The following TMEM132D variants were observed in gnomAD, a reference collection of about 807,000 sequenced individuals.
The protein encoded by TMEM132D is mature OL transmembrane protein.
Under a neutral mutation model 62.3 loss-of-function variants are expected in TMEM132D, and 21 were observed. That is an observed-to-expected ratio of 0.34 (90% CI 0.24 to 0.49). The LOEUF is 0.49. Ranked by LOEUF, TMEM132D falls within the 20% of genes least tolerant of loss-of-function variation. The probability of loss-of-function intolerance (pLI) is 0.99; values close to 1 mark genes in which losing one functional copy is unlikely to be tolerated. For synonymous variants in TMEM132D, 621 were observed against 575.6 expected, an observed-to-expected ratio of 1.08 and a Z score of -1.13; for missense variants, 1,346 against 1,402.8, an observed-to-expected ratio of 0.96 and a Z score of 0.65.
chr12:129,133,723 G>C (rs1876448323), intron 5 of TMEM132D, among the ~76,000 whole-genome samples: 1 of 152,224 alleles, frequency 6.6e-6, no homozygotes, highest in African/African-American at 2.4e-5. Context: ...TTTGGTGTGT[G>C]GTGGGCCCCC....
At chr12:129,652,143 A>G (rs539016213) in intron 2 of TMEM132D, among the ~76,000 whole-genome samples, 5 of 152,320 alleles carry the variant, frequency 3.3e-5, no homozygotes, top group Non-Finnish European at 7.4e-5. Flanking sequence ...TCACTTGCAC[A>G]ACACATCTGC....
intron 5 of TMEM132D, among the ~76,000 whole-genome samples, chr12:129,088,148 C>CGGGTGTCCTCCA (rs1874717491): frequency 9.4e-5 from 1 of 10,646 alleles, no homozygotes. Flanking sequence ...GGTGTCCTCC[C>CGGGTGTCCTCCA]TGACCGGGTG....
At chr12:129,209,837 G>C in intron 4 of TMEM132D, 174 bp from the exon 5 acceptor site, 1 of 820,080 alleles carries the variant, frequency 1.2e-6, no homozygotes, top group South Asian at 1.8e-5. Context: ...ATGAGATAAT[G>C]TTCTGTCCTC....
chr12:129,718,981 A>G (rs1248339938), intron 1 of TMEM132D, among the ~76,000 whole-genome samples: 1 of 152,048 alleles, frequency 6.6e-6, no homozygotes, highest in Non-Finnish European at 1.5e-5. Flanking sequence ...TCATGCCTGT[A>G]ATCCCAGCAC....
chr12:129,607,777 G>A (rs747538738), intron 2 of TMEM132D, among the ~76,000 whole-genome samples: 84 of 152,186 alleles, frequency 5.5e-4, no homozygotes, highest in Non-Finnish European at 1.1e-3. Context: ...GTGTTTTGGA[G>A]TACCTGTAGA....
At chr12:129,367,104 G>A (rs541442588) in intron 3 of TMEM132D, among the ~76,000 whole-genome samples, 1 of 152,216 alleles carries the variant, frequency 6.6e-6, no homozygotes. Context: ...CCCATTTGAC[G>A]GATGCGACTA....
At chr12:129,128,968 G>A (rs564130596) in intron 5 of TMEM132D, among the ~76,000 whole-genome samples, 5 of 151,202 alleles carry the variant, frequency 3.3e-5, no homozygotes, top group South Asian at 2.1e-4. Flanking sequence ...TGGCATATAC[G>A]CACCACATTT....
At chr12:129,685,922 GC>G (rs1484758412) in intron 2 of TMEM132D, among the ~76,000 whole-genome samples, 2 of 152,190 alleles carry the variant, frequency 1.3e-5, no homozygotes, top group African/African-American at 4.8e-5. Context: ...CTTACATAGG[GC>G]CTGTAGCTCC....
chr12:129,157,396 T>C (rs1877278914), intron 5 of TMEM132D, among the ~76,000 whole-genome samples: 2 of 152,246 alleles, frequency 1.3e-5, no homozygotes, highest in Non-Finnish European at 2.9e-5. Flanking sequence ...TCATCATACT[T>C]GCAGATTCAC....
At chr12:129,445,731 T>G (rs550486384) in intron 3 of TMEM132D, among the ~76,000 whole-genome samples, 1 of 152,280 alleles carries the variant, frequency 6.6e-6, no homozygotes, top group East Asian at 1.9e-4. Flanking sequence ...TTCACCCAAA[T>G]AAACCACCCA....
intron 1 of TMEM132D, among the ~76,000 whole-genome samples, chr12:129,737,536 T>C (rs1180231984): frequency 1.3e-5 from 2 of 152,016 alleles, no homozygotes; most frequent in East Asian, 1.9e-4. Flanking sequence ...AGGGCATGCA[T>C]CCTCTCATTT....
At chr12:129,081,629 CTT>C in intron 7 of TMEM132D, 128 bp downstream of exon 7, 1 of 1,340,948 alleles carries the variant, frequency 7.5e-7, no homozygotes, top group Non-Finnish European at 1.0e-6. Context: ...TCCACAATTT[CTT>C]TGAATTTACC....
At chr12:129,523,165 G>T (rs1875906551) in intron 3 of TMEM132D, among the ~76,000 whole-genome samples, 1 of 152,148 alleles carries the variant, frequency 6.6e-6, no homozygotes, top group Non-Finnish European at 1.5e-5. Flanking sequence ...GTTCAGACAT[G>T]TACATGAAGA....
intron 3 of TMEM132D, among the ~76,000 whole-genome samples, chr12:129,414,375 A>C (rs1030166834): frequency 6.6e-6 from 1 of 152,206 alleles, no homozygotes; most frequent in Non-Finnish European, 1.5e-5. Flanking sequence ...GTCATTTTTT[A>C]ACTTATTCAG....
chr12:129,121,958 A>G (rs1026358621), intron 5 of TMEM132D, among the ~76,000 whole-genome samples: 1 of 152,112 alleles, frequency 6.6e-6, no homozygotes, highest in Non-Finnish European at 1.5e-5. Flanking sequence ...GGTGGATGAA[A>G]ATGGGCAGGT....
intron 3 of TMEM132D, among the ~76,000 whole-genome samples, chr12:129,442,024 A>T (rs1872951264): frequency 1.3e-5 from 2 of 152,242 alleles, no homozygotes; most frequent in African/African-American, 2.4e-5. Context: ...AAAACTACCC[A>T]TTGGGTTCTA....
At chr12:129,851,918 T>C (rs1873556295) in intron 1 of TMEM132D, among the ~76,000 whole-genome samples, 1 of 152,356 alleles carries the variant, frequency 6.6e-6, no homozygotes, top group South Asian at 2.1e-4. Context: ...AATTTTCACA[T>C]TGTAAAACCT....
At chr12:129,811,676 C>T (rs930251514) in intron 1 of TMEM132D, among the ~76,000 whole-genome samples, 5 of 151,800 alleles carry the variant, frequency 3.3e-5, no homozygotes, top group Admixed American at 6.6e-5. Context: ...GGCGATCCTC[C>T]AGGTTTATCC....
chr12:129,285,311 G>A (rs890468060), intron 4 of TMEM132D, among the ~76,000 whole-genome samples: 5 of 151,200 alleles, frequency 3.3e-5, no homozygotes, highest in African/African-American at 2.4e-5. Flanking sequence ...TTGGGGTCAG[G>A]AATTCAAGAC....
Sources: gnomAD v4.1 joint callset for allele counts (sites outside exome capture counted in the v4.1 genomes callset) on GRCh38, gnomAD v4.1.1 for gene constraint, MANE v1.5 for transcripts, NCBI Gene and HGNC (gene_info 2026-07-23, HGNC 2026-07-21) for gene names.